FAM184B: variants seen among roughly 807,000 people sequenced by gnomAD.
The protein encoded by FAM184B is family with sequence similarity 184 member B.
Under a neutral mutation model 135.9 loss-of-function variants are expected in FAM184B, and 111 were observed. That is an observed-to-expected ratio of 0.82 (90% CI 0.70 to 0.96). The LOEUF (loss-of-function observed/expected upper bound fraction) is 0.96, where lower values mean the gene tolerates loss of function less well. Ranked by LOEUF, FAM184B falls within the 40% of genes least tolerant of loss-of-function variation. The pLI, the probability that FAM184B is intolerant of heterozygous loss-of-function variation, is 0.00. For missense variants in FAM184B, 1,375 were observed against 1,323.9 expected (o/e 1.04, Z -0.60); for synonymous variants, 552 against 524.8 (o/e 1.05, Z -0.71).
rs559367487 is a variant in FAM184B at position 17,630,376 on chromosome 4, A to G, written c.*2156T>C. The G allele has an allele frequency of 3.8e-4, 58 of 152,246 alleles. No homozygotes were observed. Among genetic ancestry groups the G allele is most frequent in the African/African-American group, 1.3e-3 (56 of 41,544 alleles). The allele number at this position is 152,246 out of a possible 1,614,324, so 9.4% of individuals were successfully genotyped here. A position where few individuals can be genotyped will look rare whatever the true frequency, so the allele number is the denominator to read the frequency against. On this transcript the variant is annotated 3_prime_UTR_variant, in exon 18 of 18. Coordinates refer to ENST00000265018, the MANE Select transcript of FAM184B (RefSeq NM_015688.2). ...GAGTCATGAGGGCTTCACCCTCATG[A>G]GTAGGATAAGTACCCTTACAAAAGA... is the stretch of plus-strand genomic sequence containing the variant.
chr4:17,693,442 C>T (rs1716783321), intron 5 of FAM184B, 30 bp from the exon 6 acceptor site: 2 of 1,531,108 alleles, frequency 1.3e-6, no homozygotes, highest in South Asian at 1.2e-5. Flanking sequence ...GTTAACCATA[C>T]AAGGCACGAA....
intron 1 of FAM184B, among the ~76,000 whole-genome samples, chr4:17,741,893 G>T (rs1174260631): frequency 1.3e-5 from 2 of 152,126 alleles, no homozygotes; most frequent in Admixed American, 1.3e-4. Flanking sequence ...GTTGGGGCAA[G>T]TGGGAGATGG....
At chr4:17,634,298 G>A (rs1043977567) in intron 16 of FAM184B, among the ~76,000 whole-genome samples, 28 of 152,178 alleles carry the variant, frequency 1.8e-4, no homozygotes, top group African/African-American at 6.3e-4. Flanking sequence ...AGTCACAAGT[G>A]TATTGTCCTG....
intron 1 of FAM184B, among the ~76,000 whole-genome samples, chr4:17,760,774 A>C (rs1403086657): frequency 6.6e-6 from 1 of 152,204 alleles, no homozygotes; most frequent in Admixed American, 6.5e-5. Context: ...CTTACCAGTA[A>C]AAGCCCCAGG....
In FAM184B at chr4:17,650,694, A is replaced by G. The variant is rs369918771; in HGVS notation, c.2191+2136T>C. ...CATGCTGCTAACTTCAGCATTTCCCATGTAGGCACCTCCATTCCAGGGTAG... is the reference window on the plus strand; with the variant it reads ...CATGCTGCTAACTTCAGCATTTCCCGTGTAGGCACCTCCATTCCAGGGTAG... On this transcript the variant is annotated intron_variant, in intron 11 of 17. Coordinates refer to ENST00000265018, the MANE Select transcript of FAM184B (RefSeq NM_015688.2). Among the ~76,000 whole-genome samples the G allele has an allele frequency of 3.3e-5, 5 of 152,250 alleles. No individual in the cohort carries two copies. In the East Asian group the frequency reaches 9.7e-4, roughly 29 times the overall value.
At chr4:17,660,179 G>T in intron 8 of FAM184B, 92 bp from the exon 9 acceptor site, 2 of 1,442,536 alleles carry the variant, frequency 1.4e-6, no homozygotes, top group Non-Finnish European at 1.9e-6. Flanking sequence ...GTGCCTGGGA[G>T]GAGAAAGCTC....
intron 7 of FAM184B, among the ~76,000 whole-genome samples, chr4:17,680,254 T>C (rs529033230): frequency 4.6e-5 from 7 of 152,330 alleles, no homozygotes; most frequent in Non-Finnish European, 1.0e-4. Context: ...AAAAATTATA[T>C]TTAAGTTTTG....
intron 6 of FAM184B, among the ~76,000 whole-genome samples, chr4:17,691,819 C>T (rs1027926459): frequency 1.3e-5 from 2 of 151,932 alleles, no homozygotes; most frequent in African/African-American, 4.8e-5. Flanking sequence ...CTTTGGGAGG[C>T]CAAGGCAGGC....
intron 1 of FAM184B, among the ~76,000 whole-genome samples, chr4:17,716,900 C>T (rs1027361752): frequency 6.6e-6 from 1 of 152,138 alleles, no homozygotes; most frequent in East Asian, 1.9e-4. Flanking sequence ...GCAACCTCTG[C>T]CTCCTGAGTC....
At chr4:17,713,113 C>T (rs1717321948) in intron 1 of FAM184B, among the ~76,000 whole-genome samples, 2 of 152,216 alleles carry the variant, frequency 1.3e-5, no homozygotes, top group Admixed American at 6.5e-5. Context: ...GAGAGAGAAG[C>T]TTGGTCTTCC....
At chr4:17,760,681 T>G (rs894858280) in intron 1 of FAM184B, among the ~76,000 whole-genome samples, 1 of 152,124 alleles carries the variant, frequency 6.6e-6, no homozygotes, top group African/African-American at 2.4e-5. Context: ...GAATTGTCCT[T>G]TTAATTTTCA....
intron 5 of FAM184B, among the ~76,000 whole-genome samples, chr4:17,703,114 A>G (rs1717026989): frequency 6.6e-6 from 1 of 152,240 alleles, no homozygotes; most frequent in Non-Finnish European, 1.5e-5. Context: ...TGGAAAGACT[A>G]AATGTGTTCT....
At position 17,709,431 on chromosome 4, in the gene FAM184B, G is replaced by A; in HGVS notation, c.355C>T (p.Leu119=). The change falls in exon 2 of 18, where the codon CTG becomes TTG. Residue 119 remains leucine, a synonymous_variant. Coordinates refer to ENST00000265018, the MANE Select transcript of FAM184B (RefSeq NM_015688.2). ...ELQKRLTEEA[L]AESASCRLET... The stretch of plus-strand genomic sequence containing the variant: ...AGCCTGCACGAGGCCGACTCAGCCA[G>A]CGCCTCCTCCGTCAGCCTCTTTTGC... 1 of 1,520,140 alleles carries A rather than the reference G, an allele frequency of 6.6e-7. No homozygotes were observed. The highest frequency in any genetic ancestry group is 8.9e-7 in the Non-Finnish European group (1 of 1,128,870). The allele number at this position is 1,520,140 out of a possible 1,614,324, so 94.2% of individuals were successfully genotyped here.
In FAM184B at chr4:17,705,116, TCTC is replaced by T. The variant is rs867526311; in HGVS notation, c.1258_1260del (p.Glu420del). 74 of 1,551,790 alleles carry T rather than the reference TCTC, an allele frequency of 4.8e-5. No homozygotes were observed. The highest frequency in any genetic ancestry group is 3.3e-4 in the Middle Eastern group (2 of 5,992). ...ACTAGCTGGTCTTTGAGATGTTTCT[TCTC>T]CTCTTCTGTCTGATGTTTGATTTTA... On this transcript the variant is annotated inframe_deletion, in exon 5 of 18. Coordinates refer to ENST00000265018, the MANE Select transcript of FAM184B (RefSeq NM_015688.2).
intron 7 of FAM184B, among the ~76,000 whole-genome samples, chr4:17,675,708 T>C (rs554287520): frequency 4.5e-4 from 68 of 152,352 alleles, no homozygotes; most frequent in Middle Eastern, 3.4e-3. Context: ...ATCTTCTGGA[T>C]AACTTGCTGC....
Position 17,633,539 on chromosome 4 carries a change from T to C in FAM184B, c.3089+150A>G, listed in dbSNP as rs193182732. On this transcript the variant is annotated intron_variant, in intron 17 of 17. Transcript: ENST00000265018. Reference sequence around the variant, plus strand: ...ACCTTTTGTATAACCCATGCTGAAGTTTTCAGGTAAGTGATTCAGTGTCCC... The same window carrying C: ...ACCTTTTGTATAACCCATGCTGAAGCTTTCAGGTAAGTGATTCAGTGTCCC... 69 of 694,954 alleles carry C rather than the reference T, an allele frequency of 9.9e-5. No individual in the cohort carries two copies. In the African/African-American group the frequency reaches 1.2e-3, roughly 12 times the overall value. The allele number at this position is 694,954 out of a possible 1,614,324, so 43.0% of individuals were successfully genotyped here. A position where few individuals can be genotyped will look rare whatever the true frequency, so the allele number is the denominator to read the frequency against.
At chr4:17,647,502 G>A (rs1715501517) in intron 12 of FAM184B, 135 bp downstream of exon 12, 1 of 1,106,130 alleles carries the variant, frequency 9.0e-7, no homozygotes, top group South Asian at 1.8e-5. Flanking sequence ...CTCTGGCTTT[G>A]GCCTCCCAAA....
Position 17,635,016 on chromosome 4 carries a change from G to A in FAM184B, c.2882C>T (p.Ser961Phe), listed in dbSNP as rs762677740. The A allele has an allele frequency of 6.4e-7, 1 of 1,551,220 alleles. No individual in the cohort carries two copies. The highest frequency in any genetic ancestry group is 8.7e-7 in the Non-Finnish European group (1 of 1,146,378). The change falls in exon 16 of 18, where the codon TCC (serine) becomes TTC (phenylalanine). Residue 961 changes from serine to phenylalanine, a missense_variant. Transcript: ENST00000265018. ...FNPHPGYLTP[S>F]MKKKKVEDVP... ...CCATTAGAACCAATTTACCTTCATG[G>A]AAGGGGTCAAATATCCCGGGTGAGG...
At chr4:17,645,981 CTCA>C (rs1279498240) in intron 12 of FAM184B, among the ~76,000 whole-genome samples, 1 of 152,180 alleles carries the variant, frequency 6.6e-6, no homozygotes, top group African/African-American at 2.4e-5. Context: ...GAAAAAAATG[CTCA>C]TCATCACTGG....
Sources: gnomAD v4.1 joint callset for allele counts (sites outside exome capture counted in the v4.1 genomes callset) on GRCh38, gnomAD v4.1.1 for gene constraint, MANE v1.5 for transcripts, NCBI Gene and HGNC (gene_info 2026-07-23, HGNC 2026-07-21) for gene names.